PPT1: variants seen among roughly 807,000 people sequenced by gnomAD.
The protein encoded by PPT1 is palmitoyl-protein thioesterase 1.
A neutral mutation model predicts 44.0 loss-of-function variants in PPT1; 24 were observed. The ratio of observed to expected loss-of-function variants is 0.54; its 90% CI spans 0.39 to 0.77. The LOEUF (loss-of-function observed/expected upper bound fraction) is 0.77, where lower values mean the gene tolerates loss of function less well. Among genes scored for constraint, PPT1 ranks in the 30% least tolerant of loss-of-function variants. The pLI is 0.00. For synonymous variants in PPT1, 148 were observed against 140.2 expected (o/e 1.06, Z -0.39); for missense variants, 341 against 378.8 (o/e 0.90, Z 0.83).
intron 6 of PPT1, 119 bp downstream of exon 6, chr1:40,080,278 C>A: frequency 9.1e-7 from 1 of 1,093,658 alleles, no homozygotes; most frequent in South Asian, 1.3e-5. Context: ...AAAAACAGAA[C>A]TTCTCTTTCC....
At chr1:40,077,429 A>T (rs954312472) in intron 7 of PPT1, among the ~76,000 whole-genome samples, 2 of 152,274 alleles carry the variant, frequency 1.3e-5, no homozygotes, top group Admixed American at 6.5e-5. Context: ...GGACACTGAA[A>T]TTTAAATTTT....
chr1:40,073,908 G>C lies in PPT1; in HGVS notation c.*153C>G, dbSNP rs1191664677. 1 of 1,031,036 alleles carries C rather than the reference G, an allele frequency of 9.7e-7. No individual in the cohort carries two copies. 63.9% of individuals were successfully genotyped at this position (1,031,036 alleles called of 1,614,324 possible). On this transcript the variant is annotated 3_prime_UTR_variant, in exon 9 of 9. Coordinates refer to ENST00000642050, the MANE Select transcript of PPT1 (RefSeq NM_000310.4). Reference sequence around the variant, plus strand: ...AGAAGATGGCAAAGGATAAGATTCAGATCTTAGATCTTTCCAAGTAGGGCA... The same window carrying C: ...AGAAGATGGCAAAGGATAAGATTCACATCTTAGATCTTTCCAAGTAGGGCA...
At chr1:40,076,497 A>T (rs1261397943) in intron 8 of PPT1, 2 of 661,398 alleles carry the variant, frequency 3.0e-6, no homozygotes, top group Middle Eastern at 7.8e-4. Flanking sequence ...CTCATCATGC[A>T]TGGAGGCTTC....
At chr1:40,079,392 C>CATTTTTTTTTTTTTTTTTTTTTTTT (rs1557707680) in intron 6 of PPT1, among the ~76,000 whole-genome samples, 1 of 90,106 alleles carries the variant, frequency 1.1e-5, no homozygotes, top group Non-Finnish European at 2.0e-5. Flanking sequence ...TTTTCTTTTC[C>CATTTTTTTTTTTTTTTTTTTTTTTT]TTTTTTTTTT....
At position 40,092,168 on chromosome 1, in the gene PPT1, A is replaced by C. The variant is rs762619451; in HGVS notation, c.239T>G (p.Val80Gly). The C allele has an allele frequency of 6.8e-6, 11 of 1,614,190 alleles. No individual in the cohort carries two copies. Among genetic ancestry groups the C allele is most frequent in the Non-Finnish European group, 9.3e-6 (11 of 1,180,004 alleles). Residue 80 changes from valine (V) to glycine (G), a missense_variant, in exon 3 of 9, where the codon GTG (valine) becomes GGG (glycine). By Grantham distance (109) the Val-to-Gly change is moderately radical. Coordinates refer to ENST00000642050, the MANE Select transcript of PPT1 (RefSeq NM_000310.4). ...GACATTCAAGAAGAAGCTGTTCTCC[A>C]CGTCCTAAAAAAGAAGCCAGAGAGA... is the stretch of plus-strand genomic sequence containing the variant. The part of the protein sequence containing the change: ...LEIGKTLMED[V>G]ENSFFLNVNS...
In PPT1 at chr1:40,092,420, T is replaced by G. The variant is rs1649619650; in HGVS notation, c.212A>C (p.Glu71Ala). Residue 71 changes from glutamate (E) to alanine (A), a missense_variant, in exon 2 of 9, where the codon GAG (glutamate) becomes GCG (alanine). Physicochemically the swap from Glu to Ala is moderately radical, Grantham distance 107. Transcript: ENST00000642050. ...TACCTCCATCAGGGTCTTCCCAATC[T>G]CTAAAGATAAGACGTAAATTCCAGG... ...KIPGIYVLSL[E>A]IGKTLMEDVE... 6.2e-7 allele frequency: 1 copy of G among 1,612,416 alleles called. No individual in the cohort carries two copies. Among genetic ancestry groups the G allele is most frequent in the Non-Finnish European group, 8.5e-7 (1 of 1,178,438 alleles).
At position 40,073,872 on chromosome 1, in the gene PPT1, C is replaced by T. The variant is rs1648415520; in HGVS notation, c.*189G>A. On this transcript the variant is annotated 3_prime_UTR_variant, in exon 9 of 9. Coordinates refer to ENST00000642050, the MANE Select transcript of PPT1 (RefSeq NM_000310.4). Reference sequence around the variant, plus strand: ...TGGTAATTAAACTTGCATTCAACACCATATGGTAACAGAAGATGGCAAAGG... The same window carrying T: ...TGGTAATTAAACTTGCATTCAACACTATATGGTAACAGAAGATGGCAAAGG... The T allele has an allele frequency of 7.6e-6, 6 of 791,244 alleles. No homozygotes were observed. The highest frequency in any genetic ancestry group is 5.0e-5 in the East Asian group (2 of 39,698). 49.0% of individuals were successfully genotyped at this position (791,244 alleles called of 1,614,324 possible). A position where few individuals can be genotyped will look rare whatever the true frequency, so the allele number is the denominator to read the frequency against.
Position 40,092,417 on chromosome 1 carries a change from A to G in PPT1, c.215T>C (p.Ile72Thr), listed in dbSNP as rs1649619487. The change falls in exon 2 of 9, where the codon ATT becomes ACT. Residue 72 changes from isoleucine (I) to threonine (T), a missense_variant. Physicochemically the swap from Ile to Thr is moderately conservative, Grantham distance 89. Coordinates refer to ENST00000642050, the MANE Select transcript of PPT1 (RefSeq NM_000310.4). ...CCTTACCTCCATCAGGGTCTTCCCA[A>G]TCTCTAAAGATAAGACGTAAATTCC... ...IPGIYVLSLE[I>T]GKTLMEDVEN... is the part of the protein sequence containing the mutation. 6.2e-7 allele frequency: 1 copy of G among 1,611,846 alleles called. No homozygotes were observed. Among genetic ancestry groups the G allele is most frequent in the Non-Finnish European group, 8.5e-7 (1 of 1,177,914 alleles).
chr1:40,074,577 C>T (rs1350140570), intron 8 of PPT1, among the ~76,000 whole-genome samples: 1 of 151,988 alleles, frequency 6.6e-6, no homozygotes, highest in Admixed American at 6.6e-5. Flanking sequence ...AAGCGATTCT[C>T]CTGCCTCTGC....
Position 40,073,735 on chromosome 1 carries a change from TTTAG to T in PPT1, c.*322_*325del, listed in dbSNP as rs1374056019. ...TTGCCCTTAGAATCTATCTCACTAC[TTTAG>T]TTAGTTGTCTCCTTTGGGCCTGGGC... On this transcript the variant is annotated 3_prime_UTR_variant, in exon 9 of 9. Coordinates refer to ENST00000642050, the MANE Select transcript of PPT1 (RefSeq NM_000310.4). The T allele has an allele frequency of 3.0e-5, 10 of 328,544 alleles. No homozygotes were observed. The highest frequency in any genetic ancestry group is 2.1e-4 in the South Asian group (7 of 32,998). 20.4% of individuals were successfully genotyped at this position (328,544 alleles called of 1,614,324 possible).
At chr1:40,093,337 C>T (rs1649667735) in intron 1 of PPT1, among the ~76,000 whole-genome samples, 1 of 151,794 alleles carries the variant, frequency 6.6e-6, no homozygotes, top group Non-Finnish European at 1.5e-5. Context: ...CACTGAGATA[C>T]AGAAAACTAA....
At chr1:40,079,392 C>CAT (rs1557707680) in intron 6 of PPT1, among the ~76,000 whole-genome samples, 2 of 90,106 alleles carry the variant, frequency 2.2e-5, no homozygotes, top group Non-Finnish European at 3.9e-5. Context: ...TTTTCTTTTC[C>CAT]TTTTTTTTTT....
intron 5 of PPT1, among the ~76,000 whole-genome samples, chr1:40,081,426 C>T (rs1648932186): frequency 1.3e-5 from 2 of 151,990 alleles, no homozygotes; most frequent in African/African-American, 2.4e-5. Context: ...ATCCCAGCTA[C>T]TTGGGAGGCA....
chr1:40,085,295 G>C (rs1649201803), intron 5 of PPT1, among the ~76,000 whole-genome samples: 1 of 152,138 alleles, frequency 6.6e-6, no homozygotes, highest in African/African-American at 2.4e-5. Flanking sequence ...CTGCCAAACA[G>C]GGAAGGGCCC....
At chr1:40,076,575 G>A (rs1211748965) in intron 8 of PPT1, 2 of 974,844 alleles carry the variant, frequency 2.1e-6, no homozygotes, top group Non-Finnish European at 2.4e-6. Context: ...CAAAAGAAGG[G>A]AATCAGACAT....
At chr1:40,080,627 G>C (rs1388259254) in intron 5 of PPT1, 140 bp from the exon 6 acceptor site, 14 of 768,654 alleles carry the variant, frequency 1.8e-5, no homozygotes, top group Non-Finnish European at 2.9e-5. Flanking sequence ...TGTAATCCCA[G>C]CACTTTGGGA....
At chr1:40,083,184 A>G (rs1416977681) in intron 5 of PPT1, among the ~76,000 whole-genome samples, 2 of 152,242 alleles carry the variant, frequency 1.3e-5, no homozygotes, top group Non-Finnish European at 2.9e-5. Context: ...ATGGTGGCTC[A>G]TACCTACAAT....
chr1:40,086,521 C>T (rs1011732899), intron 5 of PPT1, among the ~76,000 whole-genome samples: 1 of 152,080 alleles, frequency 6.6e-6, no homozygotes, highest in Admixed American at 6.5e-5. Context: ...TCTTCCTGCC[C>T]GGCCTACTGG....
rs752284138 is a variant in PPT1 at position 40,089,584 on chromosome 1, T to C, written c.434-72A>G. The C allele has an allele frequency of 2.7e-6, 3 of 1,117,368 alleles. No individual in the cohort carries two copies. In the South Asian group the frequency reaches 3.7e-5, roughly 14 times the overall value. The allele number at this position is 1,117,368 out of a possible 1,614,324, so 69.2% of individuals were successfully genotyped here. A position where few individuals can be genotyped will look rare whatever the true frequency, so the allele number is the denominator to read the frequency against. ...CGAATACCCACTATGCACAAGGCAC[T>C]GTGAGAAACAAAATGAACAGGACCA... is the stretch of plus-strand genomic sequence containing the variant. On this transcript the variant is annotated intron_variant, in intron 4 of 8. Transcript: ENST00000642050.
Sources: gnomAD v4.1 joint callset for allele counts (sites outside exome capture counted in the v4.1 genomes callset) on GRCh38, gnomAD v4.1.1 for gene constraint, MANE v1.5 for transcripts, NCBI Gene and HGNC (gene_info 2026-07-23, HGNC 2026-07-21) for gene names.